Variants in KCNIP3 observed in about 807,000 individuals in gnomAD.
The protein encoded by KCNIP3 is calsenilin.
Under a neutral mutation model 35.0 loss-of-function variants are expected in KCNIP3, and 28 were observed. The observed-to-expected ratio is 0.80, with a 90% CI of 0.59 to 1.10. KCNIP3 has a LOEUF of 1.10. Among genes scored for constraint, KCNIP3 ranks in the 50% least tolerant of loss-of-function variants. The pLI is 0.00. For missense variants in KCNIP3, 295 were observed against 338.4 expected (o/e 0.87, Z 1.01); for synonymous variants, 134 against 133.8 (o/e 1.00, Z -0.01).
chr2:95,382,406 TGACATGATGGGCC>T lies in KCNIP3; in HGVS notation c.587_599del (p.Asp196AlafsTer30), dbSNP rs1680371706. 6.2e-7 allele frequency: 1 copy of T among 1,606,352 alleles called. No homozygotes were observed. The highest frequency in any genetic ancestry group is 8.5e-7 in the Non-Finnish European group (1 of 1,176,754). On this transcript the variant is annotated frameshift_variant, in exon 7 of 9. Coordinates refer to ENST00000295225, the MANE Select transcript of KCNIP3 (RefSeq NM_013434.5). LOFTEE classifies it high-confidence loss of function. The surrounding 1 kb of genome is among the most constrained non-coding windows in gnomAD (Gnocchi z 4.5). ...TGCTGGCCATCATGAAGTCCATCTA[TGACATGATGGGCC>T]GCCACACCTACCCCATCCTGCGGGA...
intron 2 of KCNIP3, among the ~76,000 whole-genome samples, chr2:95,328,964 A>G (rs1446789364): frequency 6.6e-6 from 1 of 152,092 alleles, no homozygotes; most frequent in Non-Finnish European, 1.5e-5. Context: ...GGAGCTGCAG[A>G]GGAGGGGAGG....
At chr2:95,319,631 C>T (rs1230769409) in intron 2 of KCNIP3, among the ~76,000 whole-genome samples, 1 of 152,182 alleles carries the variant, frequency 6.6e-6, no homozygotes, top group Non-Finnish European at 1.5e-5. Context: ...CCTTATCTTC[C>T]CTGGAGGGGC....
intron 3 of KCNIP3, 25 bp from the exon 4 acceptor site, chr2:95,374,823 C>CT: frequency 6.2e-7 from 1 of 1,611,630 alleles, no homozygotes; most frequent in South Asian, 1.1e-5. Flanking sequence ...TGGCCGAGGG[C>CT]TGAGGGGGTG....
chr2:95,361,012 C>T (rs746750009), intron 2 of KCNIP3, among the ~76,000 whole-genome samples: 5 of 151,830 alleles, frequency 3.3e-5, no homozygotes, highest in African/African-American at 1.2e-4. Flanking sequence ...AAGAGAGCCA[C>T]GCTGGGGGAG....
In KCNIP3 at chr2:95,383,989, T is replaced by C; in HGVS notation, c.724-13T>C. On this transcript the variant is annotated splice_polypyrimidine_tract_variant and intron_variant, in intron 8 of 8. Coordinates refer to ENST00000295225, the MANE Select transcript of KCNIP3 (RefSeq NM_013434.5). ...CCCAGCACCTGAAGGCCTCCCTTCC[T>C]CTCTCCATGCAGGATGAGAACATCA... is the stretch of plus-strand genomic sequence containing the variant. 2 of 1,613,656 alleles carry C rather than the reference T, an allele frequency of 1.2e-6. No homozygotes were observed. The highest frequency in any genetic ancestry group is 1.7e-6 in the Non-Finnish European group (2 of 1,179,762).
intron 2 of KCNIP3, among the ~76,000 whole-genome samples, chr2:95,323,807 C>T (rs2104230836): frequency 6.6e-6 from 1 of 152,300 alleles, no homozygotes; most frequent in Non-Finnish European, 1.5e-5. Context: ...CCCCGCAGGC[C>T]TTGGGGTGGC....
At chr2:95,313,781 G>T (rs946573205) in intron 2 of KCNIP3, 1 of 152,162 alleles carries the variant, frequency 6.6e-6, no homozygotes, top group Non-Finnish European at 1.5e-5. Flanking sequence ...CGGAGGACCA[G>T]AGAACGAGGT....
At chr2:95,343,044 A>G (rs181937728) in intron 2 of KCNIP3, among the ~76,000 whole-genome samples, 1 of 152,126 alleles carries the variant, frequency 6.6e-6, no homozygotes, top group African/African-American at 2.4e-5. Flanking sequence ...GGAGAACCAC[A>G]GTGGAGGTGG....
chr2:95,307,833 C>T (rs762910233), intron 1 of KCNIP3, among the ~76,000 whole-genome samples: 1 of 152,236 alleles, frequency 6.6e-6, no homozygotes, highest in Non-Finnish European at 1.5e-5. Context: ...ATGTCCTCTG[C>T]TCACCCCCCA....
chr2:95,302,863 G>C lies in KCNIP3; in HGVS notation c.15+5410G>C, dbSNP rs968245190. ...CTCTGAGCCCACACCCAGGGGCCCT[G>C]GTGGCACATACGAAGCCACTCACTT... On this transcript the variant is annotated intron_variant, in intron 1 of 8. Transcript: ENST00000295225. Among the ~76,000 whole-genome samples the C allele has an allele frequency of 1.3e-4, 20 of 152,168 alleles. 1 individual carries two copies. Among genetic ancestry groups the C allele is most frequent in the Non-Finnish European group, 4.4e-5 (3 of 68,022 alleles).
chr2:95,325,605 ATACACACGTACACACACACACT>A (rs1241467460), intron 2 of KCNIP3, among the ~76,000 whole-genome samples: 4 of 151,766 alleles, frequency 2.6e-5, no homozygotes, highest in African/African-American at 9.7e-5. Context: ...TCACACACTC[ATACACACGTACACACACACACT>A]CACACACACA....
At chr2:95,317,024 G>A (rs187576505) in intron 2 of KCNIP3, among the ~76,000 whole-genome samples, 8 of 152,308 alleles carry the variant, frequency 5.3e-5, no homozygotes, top group South Asian at 4.1e-4. Flanking sequence ...CAGAGGAACC[G>A]CTTCCCACTT....
At chr2:95,305,537 C>T (rs917372027) in intron 1 of KCNIP3, among the ~76,000 whole-genome samples, 13 of 152,178 alleles carry the variant, frequency 8.5e-5, no homozygotes, top group African/African-American at 2.9e-4. Context: ...TTTTTTGCTA[C>T]AATTTTTATC....
intron 2 of KCNIP3, among the ~76,000 whole-genome samples, chr2:95,347,666 A>G (rs1679410781): frequency 1.3e-5 from 2 of 152,260 alleles, no homozygotes; most frequent in Admixed American, 6.5e-5. Flanking sequence ...CTGAGGAGAC[A>G]GACCCACACT....
chr2:95,370,087 T>C (rs1169669052), intron 2 of KCNIP3, among the ~76,000 whole-genome samples: 1 of 152,232 alleles, frequency 6.6e-6, no homozygotes, highest in Admixed American at 6.5e-5. Flanking sequence ...AGTTCTTTTC[T>C]AATAATTCTA....
At chr2:95,372,563 A>C (rs1362692033) in intron 2 of KCNIP3, among the ~76,000 whole-genome samples, 1 of 152,188 alleles carries the variant, frequency 6.6e-6, no homozygotes, top group Non-Finnish European at 1.5e-5. Flanking sequence ...CTTGGCTGGC[A>C]CCGCTTGCCT....
intron 2 of KCNIP3, among the ~76,000 whole-genome samples, chr2:95,327,000 C>T (rs1376368585): frequency 6.6e-6 from 1 of 152,198 alleles, no homozygotes; most frequent in Non-Finnish European, 1.5e-5. Context: ...CTCTTATCAC[C>T]ACAGTGCTCG....
At chr2:95,344,024 A>G (rs555304977) in intron 2 of KCNIP3, among the ~76,000 whole-genome samples, 1 of 152,108 alleles carries the variant, frequency 6.6e-6, no homozygotes, top group East Asian at 1.9e-4. Context: ...CACCCCAAGG[A>G]CCAGTGAACT....
intron 2 of KCNIP3, among the ~76,000 whole-genome samples, chr2:95,348,724 G>A (rs796656110): frequency 3.3e-5 from 5 of 152,312 alleles, no homozygotes; most frequent in African/African-American, 1.2e-4. Flanking sequence ...CTCCCATGAG[G>A]CTCCGTTTTC....
Sources: allele counts gnomAD v4.1 joint callset (sites outside exome capture counted in the v4.1 genomes callset), GRCh38; gene constraint gnomAD v4.1.1; non-coding constraint Gnocchi (gnomAD v3.1); transcripts MANE v1.5; gene names NCBI Gene and HGNC (gene_info 2026-07-23, HGNC 2026-07-21).